CTNNA2: variants seen among roughly 807,000 people sequenced by gnomAD.
CTNNA2 encodes catenin alpha 2.
In CTNNA2, 42 loss-of-function variants were observed where a neutral mutation model predicts 101.0. The ratio of observed to expected loss-of-function variants is 0.42; its 90% CI spans 0.32 to 0.54. The LOEUF (loss-of-function observed/expected upper bound fraction) is 0.54, where lower values mean the gene tolerates loss of function less well. CTNNA2 is among the 20% of genes least tolerant of loss of function. The pLI, the probability that CTNNA2 is intolerant of heterozygous loss-of-function variation, is 0.14. For synonymous variants in CTNNA2, 450 were observed against 456.4 expected (o/e 0.99, Z 0.18); for missense variants, 871 against 1,223.1 (o/e 0.71, Z 4.29).
chr2:79,697,715 G>A (rs1573713261), intron 2 of CTNNA2: 1 of 152,014 alleles, frequency 6.6e-6, no homozygotes. Context: ...CCTAAAATAA[G>A]CCCTTTCGTT....
intron 2 of CTNNA2, among the ~76,000 whole-genome samples, chr2:79,713,472 C>A (rs959470714): frequency 2.6e-5 from 4 of 152,100 alleles, no homozygotes; most frequent in Non-Finnish European, 2.9e-5. Flanking sequence ...GCATTAAGAA[C>A]CTGTTCTGTG....
intron 6 of CTNNA2, among the ~76,000 whole-genome samples, chr2:79,875,602 G>A (rs1309134395): frequency 6.6e-6 from 1 of 152,116 alleles, no homozygotes; most frequent in African/African-American, 2.4e-5. Flanking sequence ...GGAGATGGAT[G>A]ATATAACTGA....
chr2:80,574,206 C>T lies in CTNNA2; in HGVS notation c.1785C>T (p.Ala595=), dbSNP rs1204876804. 1 of 1,613,508 alleles carries T rather than the reference C, an allele frequency of 6.2e-7. No individual in the cohort carries two copies. The highest frequency in any genetic ancestry group is 8.5e-7 in the Non-Finnish European group (1 of 1,179,660). The change falls in exon 13 of 19, where the codon GCC becomes GCT. Residue 595 remains alanine (A), a synonymous_variant. Transcript: ENST00000402739. ...FAEQVEVAIE[A]LSANVPQPFE... ...AACAAGTAGAGGTTGCCATTGAAGCCCTGAGTGCCAACGTTCCTCAACCGT... is the reference window on the plus strand; with the variant it reads ...AACAAGTAGAGGTTGCCATTGAAGCTCTGAGTGCCAACGTTCCTCAACCGT...
At chr2:80,482,388 G>C (rs1200460843) in intron 9 of CTNNA2, among the ~76,000 whole-genome samples, 1 of 152,118 alleles carries the variant, frequency 6.6e-6, no homozygotes, top group Non-Finnish European at 1.5e-5. Context: ...GGAATATTTA[G>C]AGCAGGGGTC....
intron 7 of CTNNA2, among the ~76,000 whole-genome samples, chr2:80,330,076 A>G (rs1476574564): frequency 6.6e-6 from 1 of 152,262 alleles, no homozygotes; most frequent in African/African-American, 2.4e-5. Flanking sequence ...GAACCAAATA[A>G]TTGTCAAACT....
rs775973043 is a variant in CTNNA2 at position 79,807,683 on chromosome 2, C to T, written c.299-50330C>T. On this transcript the variant is annotated intron_variant, in intron 3 of 18. Coordinates refer to ENST00000402739, the MANE Select transcript of CTNNA2 (RefSeq NM_001282597.3). The stretch of plus-strand genomic sequence containing the variant: ...TTGAATGAATAGCAGTTACATTACA[C>T]ATTTAAGGAAGAAAAGTGCTGATGT... Among the ~76,000 whole-genome samples the T allele has an allele frequency of 5.4e-4, 82 of 152,182 alleles. No homozygotes were observed. The Middle Eastern group carries it at 0.027, about 51-fold the overall frequency.
At chr2:80,477,628 A>C (rs547147688) in intron 9 of CTNNA2, among the ~76,000 whole-genome samples, 1 of 151,950 alleles carries the variant, frequency 6.6e-6, no homozygotes, top group Non-Finnish European at 1.5e-5. Context: ...CTGCTTCTGC[A>C]TCACTTTATC....
intron 1 of CTNNA2, among the ~76,000 whole-genome samples, chr2:79,557,486 T>A (rs937084470): frequency 5.9e-5 from 9 of 152,076 alleles, no homozygotes; most frequent in African/African-American, 2.2e-4. Context: ...AAAAATGACC[T>A]ACACTTATAA....
intron 4 of CTNNA2, among the ~76,000 whole-genome samples, chr2:79,860,910 C>T (rs1024957450): frequency 1.1e-4 from 16 of 152,124 alleles, no homozygotes; most frequent in Non-Finnish European, 1.3e-4. Context: ...CTTCTCAGGA[C>T]GGATAAAGTA....
intron 7 of CTNNA2, among the ~76,000 whole-genome samples, chr2:80,348,158 C>A (rs1307096643): frequency 6.6e-6 from 1 of 152,086 alleles, no homozygotes; most frequent in African/African-American, 2.4e-5. Flanking sequence ...ATTCTACCAG[C>A]CACAAATTTT....
chr2:79,313,083 CTT>C (rs1383813829), intron 3 of CTNNA2, among the ~76,000 whole-genome samples: 8 of 152,194 alleles, frequency 5.3e-5, no homozygotes, highest in African/African-American at 1.9e-4. Flanking sequence ...ACTTCAATGA[CTT>C]TGATTAATCT....
At chr2:79,759,538 C>CT (rs1412847474) in intron 3 of CTNNA2, among the ~76,000 whole-genome samples, 3 of 143,480 alleles carry the variant, frequency 2.1e-5, no homozygotes, top group East Asian at 5.1e-4. Context: ...CTGGATGTTT[C>CT]TTTCCCTAAA....
intron 1 of CTNNA2, among the ~76,000 whole-genome samples, chr2:79,519,899 C>T (rs949146737): frequency 7.2e-5 from 11 of 152,272 alleles, no homozygotes; most frequent in African/African-American, 1.7e-4. Context: ...TGGCTTGTTT[C>T]GGCCATGCCA....
At chr2:80,537,615 C>T (rs12616287) in intron 9 of CTNNA2, among the ~76,000 whole-genome samples, 9,691 of 148,186 alleles carry the variant, frequency 0.065, 740 homozygotes, top group African/African-American at 0.18. Flanking sequence ...TTTTTTGAAA[C>T]GGGGTTTTAC....
At chr2:79,363,616 G>A (rs979356142) in intron 3 of CTNNA2, among the ~76,000 whole-genome samples, 5 of 151,320 alleles carry the variant, frequency 3.3e-5, no homozygotes, top group African/African-American at 1.2e-4. Flanking sequence ...CTCTTATATT[G>A]TATATAATCA....
At chr2:79,541,333 A>G (rs1416483378) in intron 1 of CTNNA2, among the ~76,000 whole-genome samples, 3 of 148,728 alleles carry the variant, frequency 2.0e-5, no homozygotes, top group Non-Finnish European at 4.5e-5. Flanking sequence ...TATCCTATAT[A>G]TATATATATA....
At chr2:80,500,835 G>A (rs1035235984) in intron 9 of CTNNA2, among the ~76,000 whole-genome samples, 19 of 152,052 alleles carry the variant, frequency 1.2e-4, no homozygotes, top group Admixed American at 3.3e-4. Context: ...TATTTGTTTC[G>A]TTTATTTTAA....
intron 4 of CTNNA2, chr2:79,498,222 CTCTG>C (rs1434399312): frequency 1.3e-5 from 2 of 152,184 alleles, no homozygotes; most frequent in Non-Finnish European, 2.9e-5. Context: ...TAGGATGGAT[CTCTG>C]TCTATTTTCT....
intron 16 of CTNNA2, among the ~76,000 whole-genome samples, chr2:80,607,540 T>C (rs960646885): frequency 6.6e-5 from 10 of 151,946 alleles, no homozygotes; most frequent in African/African-American, 1.9e-4. Context: ...GCTACTCTTA[T>C]GAACTTCTTT....
Sources: allele counts gnomAD v4.1 joint callset (sites outside exome capture counted in the v4.1 genomes callset), GRCh38; gene constraint gnomAD v4.1.1; transcripts MANE v1.5; gene names NCBI Gene and HGNC (gene_info 2026-07-23, HGNC 2026-07-21).